The following SLC12A6 variants were observed in gnomAD, a reference collection of about 807,000 sequenced individuals.
The protein encoded by SLC12A6 is K-Cl cotransporter 3.
SLC12A6 carries 66 observed loss-of-function variants against 135.3 expected under a neutral mutation model. The observed-to-expected ratio is 0.49, with a 90% CI of 0.40 to 0.60. The LOEUF (loss-of-function observed/expected upper bound fraction) is 0.60, where lower values mean the gene tolerates loss of function less well. Among genes scored for constraint, SLC12A6 ranks in the 20% least tolerant of loss-of-function variants. SLC12A6 has a pLI of 0.00. For missense variants in SLC12A6, 1,058 were observed against 1,452.3 expected (o/e 0.73, Z 4.41); for synonymous variants, 513 against 508.8 (o/e 1.01, Z -0.11).
intron 2 of SLC12A6, among the ~76,000 whole-genome samples, chr15:34,312,909 A>G (rs1463699222): frequency 6.6e-6 from 1 of 152,162 alleles, no homozygotes; most frequent in Non-Finnish European, 1.5e-5. Context: ...TGCTGTTACT[A>G]TTGAAATTGT....
At chr15:34,254,837 C>A in intron 8 of SLC12A6, among the ~76,000 whole-genome samples, 1 of 149,372 alleles carries the variant, frequency 6.7e-6, no homozygotes, top group African/African-American at 2.5e-5. Flanking sequence ...AGGAAAGGAA[C>A]AAATTATTAA....
At chr15:34,325,140 C>G (rs74010068) in intron 2 of SLC12A6, among the ~76,000 whole-genome samples, 3,405 of 152,228 alleles carry the variant, frequency 0.022, 137 homozygotes, top group African/African-American at 0.078. Flanking sequence ...AAACATCTTA[C>G]AGGAGAATGA....
intron 3 of SLC12A6, among the ~76,000 whole-genome samples, chr15:34,266,741 A>G (rs1158801436): frequency 2.0e-5 from 3 of 152,194 alleles, no homozygotes; most frequent in Non-Finnish European, 2.9e-5. Context: ...TGGCACAACA[A>G]TTTTAGACAT....
At position 34,253,365 on chromosome 15, in the gene SLC12A6, G is replaced by T. The variant is rs117200572; in HGVS notation, c.1119-981C>A. Among the ~76,000 whole-genome samples the T allele has an allele frequency of 1.1e-3, 162 of 152,234 alleles. 2 individuals carry two copies. The East Asian group carries it at 0.027, about 26-fold the overall frequency. On this transcript the variant is annotated intron_variant, in intron 9 of 25. Transcript: ENST00000354181. ...CCAAAGGTGAACCTGAGACAAAATG[G>T]AATTTCCCAAATTGAGATATAACCA...
chr15:34,288,377 A>T (rs1484539304), intron 2 of SLC12A6, among the ~76,000 whole-genome samples: 1 of 152,104 alleles, frequency 6.6e-6, no homozygotes, highest in Non-Finnish European at 1.5e-5. Context: ...GCTGTTTTGG[A>T]TACTGTAGCC....
At chr15:34,325,192 C>G (rs146266405) in intron 2 of SLC12A6, among the ~76,000 whole-genome samples, 1,799 of 152,208 alleles carry the variant, frequency 0.012, 14 homozygotes, top group Middle Eastern at 0.037. Context: ...TATAGCAGAG[C>G]CTGAAAGGTA....
intron 2 of SLC12A6, among the ~76,000 whole-genome samples, chr15:34,294,045 C>T (rs1895718432): frequency 6.6e-6 from 1 of 152,198 alleles, no homozygotes; most frequent in Admixed American, 6.5e-5. Flanking sequence ...AAAAGCGATA[C>T]AACTATGCAG....
At chr15:34,307,350 T>C (rs1055797042) in intron 2 of SLC12A6, among the ~76,000 whole-genome samples, 4 of 152,202 alleles carry the variant, frequency 2.6e-5, no homozygotes, top group African/African-American at 9.7e-5. Context: ...AAATAAAATA[T>C]GTAATTTTCA....
intron 2 of SLC12A6, among the ~76,000 whole-genome samples, chr15:34,309,612 T>C (rs1188090771): frequency 1.3e-5 from 2 of 152,228 alleles, no homozygotes; most frequent in African/African-American, 4.8e-5. Context: ...GGTCACAATC[T>C]AAACAAAGTT....
chr15:34,321,608 C>T lies in SLC12A6; in HGVS notation c.271+14802G>A, dbSNP rs550665742. Among the ~76,000 whole-genome samples the T allele has an allele frequency of 8.5e-5, 13 of 152,312 alleles. No individual in the cohort carries two copies. In the South Asian group the frequency reaches 2.7e-3, roughly 32 times the overall value. On this transcript the variant is annotated intron_variant, in intron 2 of 25. Transcript: ENST00000354181. ...TTTCCCCTATAATCTGGCAATTCCACTCATAGGTATTTACCCTTAAAAATG... is the reference window on the plus strand; with the variant it reads ...TTTCCCCTATAATCTGGCAATTCCATTCATAGGTATTTACCCTTAAAAATG...
rs775137770 is a variant in SLC12A6, at chr15:34,243,987, G to A, written c.2029C>T (p.Arg677Cys). 21 of 1,583,242 alleles carry A rather than the reference G, an allele frequency of 1.3e-5. No homozygotes were observed. Among genetic ancestry groups the A allele is most frequent in the African/African-American group, 5.4e-5 (4 of 74,324 alleles). ...LRTPNWRPRF[R>C]YYHWALSFMG... Reference sequence around the variant, plus strand: ...AAGCAGACTTACCAATGGTAGTAGCGGAATCGGGGTCTCCAGTTGGGTGTT... The same window carrying A: ...AAGCAGACTTACCAATGGTAGTAGCAGAATCGGGGTCTCCAGTTGGGTGTT... Residue 677 changes from arginine to cysteine, a missense_variant, in exon 16 of 26, where the codon CGC (arginine) becomes TGC (cysteine). By Grantham distance (180) the Arg-to-Cys change is radical. This residue lies in a region of SLC12A6 where 170 missense variants were observed against 297.6 expected (regional missense o/e 0.57). Coordinates refer to ENST00000354181, the MANE Select transcript of SLC12A6 (RefSeq NM_001365088.1).
chr15:34,310,629 A>AGTGTGTGT (rs61718499), intron 2 of SLC12A6, among the ~76,000 whole-genome samples: 1 of 6,054 alleles, frequency 1.7e-4, no homozygotes, highest in Non-Finnish European at 2.7e-4. Context: ...CCTGGGCTCA[A>AGTGTGTGT]GTGTGTGTGT....
At chr15:34,314,768 A>G (rs949925964) in intron 2 of SLC12A6, 2 of 152,642 alleles carry the variant, frequency 1.3e-5, no homozygotes, top group African/African-American at 4.8e-5. Flanking sequence ...ACTGATCATA[A>G]CCAGTTACAG....
chr15:34,264,559 A>AT (rs1303107966), intron 3 of SLC12A6, among the ~76,000 whole-genome samples: 5 of 152,242 alleles, frequency 3.3e-5, no homozygotes, highest in African/African-American at 1.2e-4. Context: ...CTTAAAAGAC[A>AT]TATCAACTAA....
intron 3 of SLC12A6, among the ~76,000 whole-genome samples, chr15:34,262,276 C>T (rs2140790345): frequency 6.6e-6 from 1 of 152,204 alleles, no homozygotes; most frequent in East Asian, 1.9e-4. Flanking sequence ...TTTGCATACT[C>T]ACAAACCAAT....
chr15:34,276,757 A>G (rs1286351705), intron 2 of SLC12A6, among the ~76,000 whole-genome samples: 1 of 152,226 alleles, frequency 6.6e-6, no homozygotes, highest in Non-Finnish European at 1.5e-5. Flanking sequence ...GTCTAACAAT[A>G]AATCTGAGAC....
At chr15:34,301,241 C>T (rs1287503918) in intron 2 of SLC12A6, among the ~76,000 whole-genome samples, 5 of 151,952 alleles carry the variant, frequency 3.3e-5, no homozygotes, top group East Asian at 1.9e-4. Flanking sequence ...CCACCAGGCC[C>T]GGCCTCAACA....
Position 34,255,556 on chromosome 15 carries a change from G to GA in SLC12A6, c.746-165dup, listed in dbSNP as rs11421665. ...GATGTGCTAGTGGGAAGTAAAAGGTGAAAGTGTTATTGTGGGATATACTGC... is the reference window on the plus strand; with the variant it reads ...GATGTGCTAGTGGGAAGTAAAAGGTGAAAAGTGTTATTGTGGGATATACTGC... On this transcript the variant is annotated intron_variant, in intron 7 of 25. Coordinates refer to ENST00000354181, the MANE Select transcript of SLC12A6 (RefSeq NM_001365088.1). 0.95 allele frequency: 599,466 copies of GA among 628,494 alleles called. 288,478 individuals are homozygous for GA. The highest frequency in any genetic ancestry group is 1 in the East Asian group (35,154 of 35,162). The allele number at this position is 628,494 out of a possible 1,614,324, so 38.9% of individuals were successfully genotyped here.
chr15:34,330,990 G>A (rs967224656), intron 2 of SLC12A6, among the ~76,000 whole-genome samples: 1 of 151,860 alleles, frequency 6.6e-6, no homozygotes, highest in Non-Finnish European at 1.5e-5. Flanking sequence ...TGCAATGAGT[G>A]GAGACCGCAC....
Sources: gnomAD v4.1 joint callset for allele counts (sites outside exome capture counted in the v4.1 genomes callset) on GRCh38, gnomAD v4.1.1 for gene constraint, gnomAD v4.1.1 regional missense constraint, MANE v1.5 for transcripts, NCBI Gene and HGNC (gene_info 2026-07-23, HGNC 2026-07-21) for gene names.